The following MYBL2 variants were observed in gnomAD, a reference collection of about 807,000 sequenced individuals.
MYBL2 encodes MYB proto-oncogene like 2.
Under a neutral mutation model 79.9 loss-of-function variants are expected in MYBL2, and 28 were observed. The ratio of observed to expected loss-of-function variants is 0.35; its 90% confidence interval spans 0.26 to 0.48. The LOEUF is 0.48. MYBL2 is among the 20% of genes least tolerant of loss of function. The pLI is 0.99. For missense variants in MYBL2, 735 were observed against 893.9 expected (o/e 0.82, Z 2.27); for synonymous variants, 378 against 361.2 (o/e 1.05, Z -0.53).
intron 12 of MYBL2, among the ~76,000 whole-genome samples, chr20:43,714,234 C>T (rs575534459): frequency 6.6e-6 from 1 of 152,214 alleles, no homozygotes; most frequent in South Asian, 2.1e-4. Context: ...CAGTGCCAAG[C>T]AGAGCAGAGA....
At chr20:43,684,070 A>T (rs930214292) in intron 4 of MYBL2, among the ~76,000 whole-genome samples, 2 of 151,864 alleles carry the variant, frequency 1.3e-5, no homozygotes, top group Non-Finnish European at 2.9e-5. Flanking sequence ...CTGGTGCCAC[A>T]TGTGCCACCA....
At chr20:43,677,652 T>C (rs826952) in intron 2 of MYBL2, among the ~76,000 whole-genome samples, 136,239 of 151,210 alleles carry the variant, frequency 0.9, 61,725 homozygotes, top group African/African-American at 0.97. Flanking sequence ...CCCCTCTGCC[T>C]GGCCAGCCGC....
intron 6 of MYBL2, among the ~76,000 whole-genome samples, chr20:43,698,964 A>G (rs1212388955): frequency 1.3e-5 from 2 of 151,474 alleles, no homozygotes; most frequent in Non-Finnish European, 2.9e-5. Flanking sequence ...CAGCCTCCCA[A>G]AGTGCTAGAG....
chr20:43,705,429 C>A, intron 9 of MYBL2, 71 bp downstream of exon 9: 1 of 1,493,254 alleles, frequency 6.7e-7, no homozygotes. Flanking sequence ...GCCTTGGGAC[C>A]ACTGGTGGAA....
intron 4 of MYBL2, 90 bp from the exon 5 acceptor site, chr20:43,686,762 G>A (rs548041513): frequency 1.5e-6 from 2 of 1,314,420 alleles, no homozygotes; most frequent in East Asian, 2.4e-5. Flanking sequence ...ACCTCTCAGG[G>A]CCATGGCAAG....
intron 2 of MYBL2, among the ~76,000 whole-genome samples, chr20:43,679,500 G>A (rs989228357): frequency 2.0e-5 from 3 of 152,138 alleles, no homozygotes; most frequent in Admixed American, 6.6e-5. Context: ...TGAGTGTGGT[G>A]GTTTATGCCT....
rs2145717953 is a variant in MYBL2, at chr20:43,686,851, G to A, written c.280-1G>A. The A allele has an allele frequency of 6.2e-7, 1 of 1,613,886 alleles. No homozygotes were observed. The highest frequency in any genetic ancestry group is 8.5e-7 in the Non-Finnish European group (1 of 1,179,854). On this transcript the variant is annotated splice_acceptor_variant, in intron 4 of 13. Coordinates refer to ENST00000217026, the MANE Select transcript of MYBL2 (RefSeq NM_002466.4). LOFTEE classifies it high-confidence loss of function. ...TGGCTACCCAGAGACTTTTCTCTAA[G>A]GTCATCGAGCTGGTTAAGAAGTATG...
chr20:43,711,288 GGGAATC>G (rs1325635486), intron 10 of MYBL2, among the ~76,000 whole-genome samples, 194 bp from the exon 11 acceptor site: 3 of 152,228 alleles, frequency 2.0e-5, no homozygotes, highest in Admixed American at 6.5e-5. Flanking sequence ...GCAGGCCCCT[GGGAATC>G]AAGGTCATCA....
intron 9 of MYBL2, among the ~76,000 whole-genome samples, chr20:43,706,471 A>AG (rs1235362066): frequency 6.6e-6 from 1 of 152,030 alleles, no homozygotes; most frequent in Non-Finnish European, 1.5e-5. Context: ...CATTTGCTGG[A>AG]GGAGGAAATC....
intron 8 of MYBL2, among the ~76,000 whole-genome samples, chr20:43,704,419 C>T (rs1987735902): frequency 6.6e-6 from 1 of 152,200 alleles, no homozygotes; most frequent in Non-Finnish European, 1.5e-5. Context: ...AGACACAGGT[C>T]AGCCTGTAAC....
At chr20:43,704,051 G>A (rs1223313224) in intron 8 of MYBL2, among the ~76,000 whole-genome samples, 2 of 152,208 alleles carry the variant, frequency 1.3e-5, no homozygotes, top group African/African-American at 4.8e-5. Context: ...CCAGGCTGGA[G>A]GCTGGAGGCT....
chr20:43,671,990 A>T (rs1038175827), intron 1 of MYBL2, among the ~76,000 whole-genome samples: 1 of 149,942 alleles, frequency 6.7e-6, no homozygotes, highest in African/African-American at 2.5e-5. Flanking sequence ...CGGGTGGATC[A>T]CGAGGTCAGG....
chr20:43,695,670 A>G (rs1987521266), intron 6 of MYBL2, among the ~76,000 whole-genome samples: 1 of 129,726 alleles, frequency 7.7e-6, no homozygotes. Flanking sequence ...TGGGCAACAT[A>G]GGGAGACTGT....
intron 9 of MYBL2, among the ~76,000 whole-genome samples, chr20:43,707,580 G>A (rs1033290230): frequency 6.6e-6 from 1 of 152,074 alleles, no homozygotes; most frequent in Non-Finnish European, 1.5e-5. Context: ...TTTTTGTAGA[G>A]ATGGGGTTTC....
chr20:43,714,164 G>A (rs1237179978), intron 12 of MYBL2, among the ~76,000 whole-genome samples: 1 of 152,140 alleles, frequency 6.6e-6, no homozygotes, highest in Admixed American at 6.5e-5. Context: ...GATCTTTCAG[G>A]TTCCCTGAGC....
At position 43,707,579 on chromosome 20, in the gene MYBL2, A is replaced by G. The variant is rs1361074853; in HGVS notation, c.1505+2221A>G. ...TGCTAATTTTTCTATTTTTTTGTAG[A>G]GATGGGGTTTCGCCATATTGGCCAG... On this transcript the variant is annotated intron_variant, in intron 9 of 13. Transcript: ENST00000217026. Among the ~76,000 whole-genome samples, 5 of 152,024 alleles carry G rather than the reference A, an allele frequency of 3.3e-5. No individual in the cohort carries two copies. In the East Asian group the frequency reaches 9.6e-4, roughly 29 times the overall value.
intron 6 of MYBL2, among the ~76,000 whole-genome samples, chr20:43,694,270 T>TGG (rs1000608333): frequency 1.7e-4 from 26 of 152,102 alleles, no homozygotes; most frequent in African/African-American, 6.0e-4. Context: ...AGGCAGAGCT[T>TGG]GCAGTGAGCC....
At chr20:43,670,431 A>T (rs934044656) in intron 1 of MYBL2, among the ~76,000 whole-genome samples, 5 of 151,802 alleles carry the variant, frequency 3.3e-5, no homozygotes, top group Middle Eastern at 3.4e-3. Flanking sequence ...ATTTCTGAAA[A>T]TTTTTTTCTT....
intron 6 of MYBL2, among the ~76,000 whole-genome samples, chr20:43,696,201 A>G (rs1987536661): frequency 6.6e-6 from 1 of 151,960 alleles, no homozygotes; most frequent in South Asian, 2.1e-4. Context: ...TAACAACTTT[A>G]TAGAATTGGG....
Sources: allele counts gnomAD v4.1 joint callset (sites outside exome capture counted in the v4.1 genomes callset), GRCh38; gene constraint gnomAD v4.1.1; transcripts MANE v1.5; gene names NCBI Gene and HGNC (gene_info 2026-07-23, HGNC 2026-07-21).